Variants in GABRR2 observed in about 807,000 individuals in gnomAD.
GABRR2 encodes gamma-aminobutyric acid receptor subunit rho-2.
GABRR2 carries 36 observed loss-of-function variants against 47.0 expected under a neutral mutation model. The ratio of observed to expected loss-of-function variants is 0.77; its 90% CI spans 0.59 to 1.01. The LOEUF (loss-of-function observed/expected upper bound fraction) is 1.01. Among genes scored for constraint, GABRR2 ranks in the 50% least tolerant of loss-of-function variants. The pLI is 0.00. For synonymous variants in GABRR2, 204 were observed against 227.5 expected, an observed-to-expected ratio of 0.90 and a Z score of 0.93; for missense variants, 587 against 594.6, an observed-to-expected ratio of 0.99 and a Z score of 0.13.
At chr6:89,291,041 G>C (rs1160897721) in intron 2 of GABRR2, among the ~76,000 whole-genome samples, 1 of 152,168 alleles carries the variant, frequency 6.6e-6, no homozygotes, top group Non-Finnish European at 1.5e-5. Flanking sequence ...CATGCCAGCT[G>C]CTTCCTGTTA....
At chr6:89,285,433 G>T (rs930870302) in intron 2 of GABRR2, among the ~76,000 whole-genome samples, 4 of 152,172 alleles carry the variant, frequency 2.6e-5, no homozygotes, top group Non-Finnish European at 4.4e-5. Flanking sequence ...CATGGTGAGG[G>T]CCGGCTCCTA....
chr6:89,294,721 A>C (rs1774526922), intron 2 of GABRR2, among the ~76,000 whole-genome samples: 1 of 150,880 alleles, frequency 6.6e-6, no homozygotes, highest in Non-Finnish European at 1.5e-5. Flanking sequence ...TACATGTGCC[A>C]TGTTGGTGTG....
At chr6:89,279,212 G>A (rs1024308939) in intron 2 of GABRR2, among the ~76,000 whole-genome samples, 13 of 152,162 alleles carry the variant, frequency 8.5e-5, no homozygotes, top group Non-Finnish European at 1.8e-4. Context: ...AGCTGCTCCT[G>A]ACAGTTTGCT....
intron 8 of GABRR2, among the ~76,000 whole-genome samples, chr6:89,260,341 A>G (rs1319628259): frequency 1.3e-5 from 2 of 152,252 alleles, no homozygotes; most frequent in Non-Finnish European, 2.9e-5. Context: ...TCTTTCTGCT[A>G]AAATGAAAAT....
intron 2 of GABRR2, among the ~76,000 whole-genome samples, chr6:89,277,586 C>G (rs1047713681): frequency 1.3e-5 from 2 of 151,568 alleles, no homozygotes; most frequent in South Asian, 4.2e-4. Context: ...ACACTAGAAG[C>G]CCAATGCCCA....
At chr6:89,312,794 C>G (rs1767701863) in intron 1 of GABRR2, among the ~76,000 whole-genome samples, 1 of 152,240 alleles carries the variant, frequency 6.6e-6, no homozygotes, top group Admixed American at 6.5e-5. Flanking sequence ...CATTCCCTGT[C>G]CTTTTCCCCC....
chr6:89,265,501 A>C (rs1773869825), intron 7 of GABRR2, 112 bp downstream of exon 7: 2 of 1,206,232 alleles, frequency 1.7e-6, no homozygotes, highest in African/African-American at 1.5e-5. Flanking sequence ...GCTCCTTCTG[A>C]CTCTAACAGC....
At chr6:89,277,445 A>G (rs369018387) in intron 2 of GABRR2, among the ~76,000 whole-genome samples, 1 of 152,318 alleles carries the variant, frequency 6.6e-6, no homozygotes, top group Non-Finnish European at 1.5e-5. Flanking sequence ...GCTAGTATAC[A>G]GAATATATAA....
Position 89,315,252 on chromosome 6 carries a change from C to T in GABRR2, c.-87G>A, listed in dbSNP as rs757717545. 6.2e-7 allele frequency: 1 copy of T among 1,600,530 alleles called. No homozygotes were observed. The highest frequency in any genetic ancestry group is 1.1e-5 in the South Asian group (1 of 89,368). On this transcript the variant is annotated 5_prime_UTR_variant, in exon 1 of 9. Transcript: ENST00000402938. Reference sequence around the variant, plus strand: ...CCTGGCTTGACCATTGATCCATCTGCTGCCTCCTGACGGGCTGCTCTGAGG... The same window carrying T: ...CCTGGCTTGACCATTGATCCATCTGTTGCCTCCTGACGGGCTGCTCTGAGG...
intron 1 of GABRR2, among the ~76,000 whole-genome samples, chr6:89,307,814 C>CTTTTT (rs1247224346): frequency 2.4e-5 from 3 of 125,290 alleles, no homozygotes; most frequent in South Asian, 2.5e-4. Context: ...ACTTCATTCA[C>CTTTTT]TTTTTTTTTT....
intron 2 of GABRR2, among the ~76,000 whole-genome samples, chr6:89,275,202 A>G (rs1380411953): frequency 1.3e-5 from 2 of 152,244 alleles, no homozygotes; most frequent in Non-Finnish European, 2.9e-5. Flanking sequence ...GAATTCCAGT[A>G]ATAGCAAGCT....
intron 2 of GABRR2, among the ~76,000 whole-genome samples, chr6:89,288,706 A>G (rs1339323078): frequency 6.6e-6 from 1 of 152,222 alleles, no homozygotes; most frequent in Non-Finnish European, 1.5e-5. Flanking sequence ...GCTGGAATAC[A>G]GATAGCTCAC....
intron 1 of GABRR2, among the ~76,000 whole-genome samples, chr6:89,305,530 G>A (rs1171793595): frequency 6.6e-6 from 1 of 151,840 alleles, no homozygotes; most frequent in Admixed American, 6.6e-5. Context: ...AGGCTGAGGT[G>A]GGAAAATCAC....
chr6:89,271,886 TGAGCTCTCTCCACAACGTCAG>T (rs894165152), intron 2 of GABRR2, among the ~76,000 whole-genome samples, 164 bp from the exon 3 acceptor site: 3 of 152,242 alleles, frequency 2.0e-5, no homozygotes, highest in African/African-American at 7.2e-5. Context: ...GTTGGGTGTC[TGAGCTCTCTCCACAACGTCAG>T]GGACTGTGCC....
At chr6:89,280,255 CAT>C (rs1554197272) in intron 2 of GABRR2, among the ~76,000 whole-genome samples, 3 of 84,510 alleles carry the variant, frequency 3.5e-5, no homozygotes, top group South Asian at 3.7e-4. Context: ...TATATATATA[CAT>C]ACATATACAT....
At chr6:89,273,634 CCTAT>C (rs1562364488) in intron 2 of GABRR2, among the ~76,000 whole-genome samples, 1 of 152,190 alleles carries the variant, frequency 6.6e-6, no homozygotes, top group Non-Finnish European at 1.5e-5. Context: ...TACCAATTAA[CCTAT>C]CTTTCTCCCC....
At chr6:89,289,837 G>C (rs1482006645) in intron 2 of GABRR2, among the ~76,000 whole-genome samples, 1 of 152,232 alleles carries the variant, frequency 6.6e-6, no homozygotes, top group Non-Finnish European at 1.5e-5. Flanking sequence ...AAGTCCAAGA[G>C]CATGGCACTC....
chr6:89,262,537 CT>C (rs1375045312), intron 8 of GABRR2, among the ~76,000 whole-genome samples: 1 of 152,126 alleles, frequency 6.6e-6, no homozygotes, highest in Non-Finnish European at 1.5e-5. Flanking sequence ...ATAAAGTCTC[CT>C]TTTTCAAATT....
At chr6:89,302,203 C>G in intron 1 of GABRR2, 1 of 557,164 alleles carries the variant, frequency 1.8e-6, no homozygotes, top group Non-Finnish European at 3.6e-6. Flanking sequence ...TGGGCGGGGG[C>G]ACAAGCTCGG....
Sources: allele counts gnomAD v4.1 joint callset (sites outside exome capture counted in the v4.1 genomes callset), GRCh38; gene constraint gnomAD v4.1.1; transcripts MANE v1.5; gene names NCBI Gene and HGNC (gene_info 2026-07-23, HGNC 2026-07-21).